Variants in STYXL1 observed in about 807,000 individuals in gnomAD.
STYXL1 encodes the protein serine/threonine/tyrosine interacting like 1.
In STYXL1, 32 loss-of-function variants were observed where a neutral mutation model predicts 36.4. That is an observed-to-expected ratio of 0.88 (90% confidence interval 0.66 to 1.18). The LOEUF is 1.18. STYXL1 is among the 50% of genes most tolerant of loss of function. STYXL1 has a pLI of 0.00. For missense variants in STYXL1, 354 were observed against 394.1 expected, an observed-to-expected ratio of 0.90 and a Z score of 0.86; for synonymous variants, 133 against 144.1, an observed-to-expected ratio of 0.92 and a Z score of 0.55.
chr7:76,023,222 G>A (rs1196523673), intron 3 of STYXL1, among the ~76,000 whole-genome samples: 4 of 152,052 alleles, frequency 2.6e-5, no homozygotes, highest in African/African-American at 9.7e-5. Context: ...AGAGGCTTAA[G>A]TCACGAACCC....
At chr7:76,034,376 T>C (rs1795712895) in intron 1 of STYXL1, among the ~76,000 whole-genome samples, 2 of 152,166 alleles carry the variant, frequency 1.3e-5, no homozygotes, top group African/African-American at 4.8e-5. Context: ...TCATCAACAA[T>C]GTCCATCTTG....
At chr7:76,011,592 G>A (rs1554572229) in intron 5 of STYXL1, among the ~76,000 whole-genome samples, 1 of 152,222 alleles carries the variant, frequency 6.6e-6, no homozygotes, top group Non-Finnish European at 1.5e-5. Flanking sequence ...CACAGCTGAA[G>A]GCAACTGTTA....
Position 76,013,845 on chromosome 7 carries a change from G to A in STYXL1, c.350C>T (p.Thr117Ile). Residue 117 changes from threonine to isoleucine, a missense_variant, in exon 5 of 9, where the codon ACC becomes ATC. By Grantham distance (89) the Thr-to-Ile change is moderately conservative. Coordinates refer to ENST00000359697, the MANE Select transcript of STYXL1 (RefSeq NM_001317785.2). Reference sequence around the variant, plus strand: ...GTAGACGGGGTGGTGGGTGAGGCGGGTCAGGATCCTGCCATACTCAATGGC... The same window carrying A: ...GTAGACGGGGTGGTGGGTGAGGCGGATCAGGATCCTGCCATACTCAATGGC... The part of the protein sequence containing the change: ...QAAIEYGRIL[T>I]RLTHHPVYIL... 6.2e-7 allele frequency: 1 copy of A among 1,613,972 alleles called. No homozygotes were observed.
At chr7:76,015,689 T>C (rs1666080333) in intron 4 of STYXL1, among the ~76,000 whole-genome samples, 1 of 152,210 alleles carries the variant, frequency 6.6e-6, no homozygotes, top group South Asian at 2.1e-4. Flanking sequence ...CAACCTCTGA[T>C]GGTTAATACT....
At chr7:76,008,862 C>T (rs539248777) in intron 5 of STYXL1, among the ~76,000 whole-genome samples, 4 of 151,878 alleles carry the variant, frequency 2.6e-5, no homozygotes, top group Admixed American at 6.6e-5. Context: ...AAAAATTAGG[C>T]GTGGTGGCAC....
intron 4 of STYXL1, among the ~76,000 whole-genome samples, chr7:76,021,395 C>T (rs1296429128): frequency 6.6e-6 from 1 of 152,060 alleles, no homozygotes; most frequent in Non-Finnish European, 1.5e-5. Flanking sequence ...ATATAGTTCC[C>T]CTTAACTGCT....
chr7:76,021,275 G>T (rs1346694639), intron 4 of STYXL1, among the ~76,000 whole-genome samples: 1 of 151,966 alleles, frequency 6.6e-6, no homozygotes, highest in Non-Finnish European at 1.5e-5. Context: ...TAGAGACGGA[G>T]TTTCACCGTG....
chr7:76,024,980 C>T (rs745878013), intron 3 of STYXL1, among the ~76,000 whole-genome samples: 1 of 137,674 alleles, frequency 7.3e-6, no homozygotes, highest in Non-Finnish European at 1.5e-5. Flanking sequence ...TTCAACAGTA[C>T]GACATATTCT....
chr7:76,028,767 G>C, intron 2 of STYXL1, 64 bp from the exon 3 acceptor site: 1 of 1,401,548 alleles, frequency 7.1e-7, no homozygotes, highest in South Asian at 1.2e-5. Flanking sequence ...CTACTCAGAG[G>C]ACCTACGTCG....
intron 1 of STYXL1, among the ~76,000 whole-genome samples, chr7:76,033,861 G>A (rs1554580113): frequency 6.6e-6 from 1 of 152,154 alleles, no homozygotes; most frequent in African/African-American, 2.4e-5. Context: ...AACTCTTTTA[G>A]GTCTGAATCC....
At chr7:76,012,982 ATGGGTCCACCT>A (rs1412247596) in intron 5 of STYXL1, among the ~76,000 whole-genome samples, 2 of 152,080 alleles carry the variant, frequency 1.3e-5, no homozygotes, top group Admixed American at 6.6e-5. Flanking sequence ...TGCCCTCTGA[ATGGGTCCACCT>A]TTGCTCACTG....
rs368441807 is a variant in STYXL1 at position 76,042,815 on chromosome 7, C to T, written c.-5+4847G>A. 1.2e-4 allele frequency among the ~76,000 whole-genome samples: 18 copies of T among 152,320 alleles called. No homozygotes were observed. In the East Asian group the frequency reaches 2.1e-3, roughly 18 times the overall value. ...AGAATCTCAAAGCTCTCCCTATTAGCATCTTTCTGATTCCAAACATTCACA... is the reference window on the plus strand; with the variant it reads ...AGAATCTCAAAGCTCTCCCTATTAGTATCTTTCTGATTCCAAACATTCACA... On this transcript the variant is annotated intron_variant, in intron 1 of 8. Coordinates refer to ENST00000359697, the MANE Select transcript of STYXL1 (RefSeq NM_001317785.2).
At chr7:76,037,110 GGT>G (rs1795985840) in intron 1 of STYXL1, among the ~76,000 whole-genome samples, 3 of 149,846 alleles carry the variant, frequency 2.0e-5, no homozygotes, top group Admixed American at 6.7e-5. Context: ...CCCTTGGTGG[GGT>G]GTGGTAGCTC....
intron 7 of STYXL1, 87 bp from the exon 8 acceptor site, chr7:76,001,089 C>G: frequency 9.8e-7 from 1 of 1,015,730 alleles, no homozygotes; most frequent in South Asian, 1.3e-5. Flanking sequence ...TCCATGGGCC[C>G]GTGGTCCAAG....
chr7:76,000,745 G>A (rs1025087117), intron 8 of STYXL1, 145 bp downstream of exon 8: 14 of 666,060 alleles, frequency 2.1e-5, no homozygotes, highest in Admixed American at 2.2e-5. Context: ...CTTGGGTGAC[G>A]CGGACTGGGG....
chr7:75,999,650 C>T (rs934487830), intron 8 of STYXL1, among the ~76,000 whole-genome samples: 48 of 151,732 alleles, frequency 3.2e-4, no homozygotes, highest in Admixed American at 2.5e-3. Flanking sequence ...CAGCTTCTAG[C>T]GATTCTCCTG....
intron 1 of STYXL1, chr7:76,046,006 C>T (rs1796916489): frequency 6.6e-6 from 1 of 152,196 alleles, no homozygotes; most frequent in African/African-American, 2.4e-5. Flanking sequence ...AAACAAAGGA[C>T]ACTGCTTGCC....
chr7:76,005,885 G>GAGGAGGAGAGAC (rs1791671979), intron 5 of STYXL1, among the ~76,000 whole-genome samples: 1 of 116,138 alleles, frequency 8.6e-6, no homozygotes, highest in African/African-American at 2.9e-5. Context: ...GGAGGAGAGA[G>GAGGAGGAGAGAC]GAGGAGGAGG....
At chr7:76,035,785 C>T (rs1486412585) in intron 1 of STYXL1, among the ~76,000 whole-genome samples, 6 of 149,776 alleles carry the variant, frequency 4.0e-5, no homozygotes, top group African/African-American at 1.5e-4. Flanking sequence ...TACTTTCCCC[C>T]ATTGCTAACT....
Sources: allele counts gnomAD v4.1 joint callset (sites outside exome capture counted in the v4.1 genomes callset), GRCh38; gene constraint gnomAD v4.1.1; transcripts MANE v1.5; gene names NCBI Gene and HGNC (gene_info 2026-07-23, HGNC 2026-07-21).